PCDH7: variants seen among roughly 807,000 people sequenced by gnomAD.
PCDH7 encodes the protein protocadherin 7.
In PCDH7, 17 loss-of-function variants were observed where a neutral mutation model predicts 58.9. The observed-to-expected ratio is 0.29, with a 90% CI of 0.20 to 0.43. The LOEUF (loss-of-function observed/expected upper bound fraction) is 0.43, where lower values mean the gene tolerates loss of function less well. Among genes scored for constraint, PCDH7 ranks in the 20% least tolerant of loss-of-function variants. The pLI is 1.00. For missense variants in PCDH7, 1,274 were observed against 1,441.0 expected (o/e 0.88, Z 1.88); for synonymous variants, 664 against 616.4 (o/e 1.08, Z -1.14).
At chr4:30,824,656 C>A (rs1310832620) in intron 1 of PCDH7, among the ~76,000 whole-genome samples, 1 of 152,032 alleles carries the variant, frequency 6.6e-6, no homozygotes, top group East Asian at 1.9e-4. Context: ...TAGGAGGAAA[C>A]AATACAGGCC....
At chr4:31,036,054 A>G (rs531403483) in intron 3 of PCDH7, among the ~76,000 whole-genome samples, 1 of 152,356 alleles carries the variant, frequency 6.6e-6, no homozygotes, top group African/African-American at 2.4e-5. Flanking sequence ...GTGCTAAGAT[A>G]GAAACTTTAT....
At chr4:31,066,334 A>G (rs993363360) in intron 3 of PCDH7, among the ~76,000 whole-genome samples, 7 of 151,980 alleles carry the variant, frequency 4.6e-5, no homozygotes, top group Admixed American at 1.3e-4. Context: ...TTATAATGTA[A>G]TAATAATGAC....
At chr4:30,799,114 T>C (rs187353926) in intron 1 of PCDH7, among the ~76,000 whole-genome samples, 9 of 152,292 alleles carry the variant, frequency 5.9e-5, no homozygotes, top group Admixed American at 5.9e-4. Flanking sequence ...TACTTTTCTT[T>C]CTCCTTTCTT....
intron 1 of PCDH7, among the ~76,000 whole-genome samples, chr4:30,842,196 T>A (rs997632047): frequency 2.0e-5 from 3 of 152,162 alleles, no homozygotes; most frequent in Non-Finnish European, 4.4e-5. Context: ...TGGAAATAAT[T>A]TCTTTATTAC....
chr4:31,136,231 C>A lies in PCDH7; in HGVS notation c.*8-6242C>A, dbSNP rs1004494338. ...GGGCTATGACCTACTATTTACTGAA[C>A]ACCTACACGGCAGCCAGGACCATAT... is the stretch of plus-strand genomic sequence containing the variant. On this transcript the variant is annotated intron_variant, in intron 3 of 3. Transcript: ENST00000509759. 4.1e-4 allele frequency among the ~76,000 whole-genome samples: 62 copies of A among 152,206 alleles called. 2 individuals are homozygous for A. The highest frequency in any genetic ancestry group is 1.5e-5 in the Non-Finnish European group (1 of 68,046).
At chr4:30,883,360 C>T (rs750084155) in intron 1 of PCDH7, among the ~76,000 whole-genome samples, 5 of 152,250 alleles carry the variant, frequency 3.3e-5, no homozygotes, top group East Asian at 3.9e-4. Flanking sequence ...CACACTGCCT[C>T]GCTTACATGT....
intron 3 of PCDH7, among the ~76,000 whole-genome samples, chr4:31,013,133 G>A (rs1441837213): frequency 1.3e-5 from 2 of 150,526 alleles, no homozygotes; most frequent in Non-Finnish European, 3.0e-5. Context: ...GCTGCAGTGA[G>A]CTGTGATATG....
chr4:31,112,936 C>T (rs1716504052), intron 3 of PCDH7, among the ~76,000 whole-genome samples: 1 of 152,082 alleles, frequency 6.6e-6, no homozygotes, highest in Non-Finnish European at 1.5e-5. Flanking sequence ...GACTGCTATT[C>T]TGAACACTAC....
At chr4:30,988,372 G>A (rs1225829856) in intron 3 of PCDH7, among the ~76,000 whole-genome samples, 1 of 152,160 alleles carries the variant, frequency 6.6e-6, no homozygotes, top group East Asian at 1.9e-4. Context: ...AGACAGAATA[G>A]TCACCTACAT....
chr4:30,898,646 A>G (rs1739764912), intron 1 of PCDH7, among the ~76,000 whole-genome samples: 1 of 152,190 alleles, frequency 6.6e-6, no homozygotes, highest in African/African-American at 2.4e-5. Context: ...GCTGGAGTGC[A>G]GTGGCGCGAT....
intron 1 of PCDH7, among the ~76,000 whole-genome samples, chr4:30,905,667 C>T (rs145313277): frequency 3.3e-5 from 5 of 152,098 alleles, no homozygotes; most frequent in Non-Finnish European, 7.4e-5. Context: ...TAGTATTTTT[C>T]GCATTAGTTG....
intron 3 of PCDH7, among the ~76,000 whole-genome samples, chr4:31,122,952 AC>A (rs1343837549): frequency 6.6e-6 from 1 of 152,056 alleles, no homozygotes; most frequent in Non-Finnish European, 1.5e-5. Flanking sequence ...ATTATAAAAT[AC>A]AATGCCAACT....
At chr4:30,965,751 C>A (rs1748938365) in intron 3 of PCDH7, among the ~76,000 whole-genome samples, 1 of 151,994 alleles carries the variant, frequency 6.6e-6, no homozygotes, top group Admixed American at 6.6e-5. Context: ...CTTCTCTGTT[C>A]TTGCATCTGT....
rs146294803 is a variant in PCDH7 at position 30,944,759 on chromosome 4, A to G, written c.288-5361A>G. On this transcript the variant is annotated intron_variant, in intron 2 of 3. Coordinates refer to the PCDH7 transcript ENST00000509759. ...TAAACTTAGAATATTCATTATGTCC[A>G]TTGTGTAAAATCATGTATTAATTAA... 7.3e-3 allele frequency among the ~76,000 whole-genome samples: 1,118 copies of G among 152,334 alleles called. 11 individuals are homozygous for G. The highest frequency in any genetic ancestry group is 0.013 in the Non-Finnish European group (887 of 68,006).
At chr4:30,853,460 T>G (rs2109348333) in intron 1 of PCDH7, among the ~76,000 whole-genome samples, 1 of 152,230 alleles carries the variant, frequency 6.6e-6, no homozygotes, top group South Asian at 2.1e-4. Flanking sequence ...CCCACCAGGA[T>G]AATTTGGGAA....
intron 3 of PCDH7, among the ~76,000 whole-genome samples, chr4:31,010,133 G>A (rs894531231): frequency 9.9e-5 from 15 of 151,952 alleles, no homozygotes; most frequent in Non-Finnish European, 1.8e-4. Context: ...TGTATTGAGA[G>A]CAAAAGCAAT....
intron 1 of PCDH7, among the ~76,000 whole-genome samples, chr4:30,857,811 C>T (rs1424666764): frequency 6.6e-6 from 1 of 152,126 alleles, no homozygotes; most frequent in Non-Finnish European, 1.5e-5. Context: ...TGGATCGTTT[C>T]TCCTTTGTTT....
chr4:31,130,686 G>T (rs1276332239), intron 3 of PCDH7, among the ~76,000 whole-genome samples: 1 of 152,152 alleles, frequency 6.6e-6, no homozygotes, highest in Admixed American at 6.5e-5. Flanking sequence ...AGGCTCAAGG[G>T]GAGAATCCGC....
At chr4:30,973,941 C>G (rs935652366) in intron 3 of PCDH7, among the ~76,000 whole-genome samples, 1 of 151,792 alleles carries the variant, frequency 6.6e-6, no homozygotes, top group Non-Finnish European at 1.5e-5. Flanking sequence ...AAAAACTAAA[C>G]TTTAAAAAAT....
Sources: gnomAD v4.1 joint callset for allele counts (sites outside exome capture counted in the v4.1 genomes callset) on GRCh38, gnomAD v4.1.1 for gene constraint, MANE v1.5 for transcripts, NCBI Gene and HGNC (gene_info 2026-07-23, HGNC 2026-07-21) for gene names.